Variants in ASIC2 observed in about 807,000 individuals in gnomAD.
The protein encoded by ASIC2 is acid sensing ion channel subunit 2.
Under a neutral mutation model 57.3 loss-of-function variants are expected in ASIC2, and 25 were observed. The ratio of observed to expected loss-of-function variants is 0.44; its 90% CI spans 0.32 to 0.61. The LOEUF is 0.61. Ranked by LOEUF, ASIC2 falls within the 20% of genes least tolerant of loss-of-function variation. ASIC2 has a pLI of 0.06. For missense variants in ASIC2, 641 were observed against 738.1 expected, an observed-to-expected ratio of 0.87 and a Z score of 1.52; for synonymous variants, 319 against 307.5, an observed-to-expected ratio of 1.04 and a Z score of -0.39.
At chr17:33,487,529 A>G (rs114502109) in intron 1 of ASIC2, among the ~76,000 whole-genome samples, 3,698 of 152,334 alleles carry the variant, frequency 0.024, 150 homozygotes, top group African/African-American at 0.084. Context: ...GTGGACAATC[A>G]CAGCAGCTCC....
At chr17:33,719,262 T>G (rs1337079209) in intron 1 of ASIC2, among the ~76,000 whole-genome samples, 1 of 151,964 alleles carries the variant, frequency 6.6e-6, no homozygotes, top group African/African-American at 2.4e-5. Flanking sequence ...GAGGAGAGCA[T>G]AGGAAATAAA....
At chr17:33,260,393 C>T (rs1354227044) in intron 1 of ASIC2, among the ~76,000 whole-genome samples, 1 of 152,178 alleles carries the variant, frequency 6.6e-6, no homozygotes, top group Non-Finnish European at 1.5e-5. Flanking sequence ...TCTGCAGGGG[C>T]CAGTTGGAGC....
chr17:33,108,593 T>C (rs1023996750), intron 2 of ASIC2, among the ~76,000 whole-genome samples: 8 of 152,200 alleles, frequency 5.3e-5, no homozygotes, highest in African/African-American at 1.9e-4. Flanking sequence ...AACAGATGTG[T>C]TGGCTTCTCT....
At chr17:33,202,048 G>GA (rs1906889800) in intron 1 of ASIC2, among the ~76,000 whole-genome samples, 2 of 147,134 alleles carry the variant, frequency 1.4e-5, no homozygotes, top group East Asian at 4.0e-4. Flanking sequence ...AAAAAGAAAA[G>GA]AAAAAAGAAA....
At chr17:33,035,575 C>G (rs1567722744) in intron 3 of ASIC2, among the ~76,000 whole-genome samples, 1 of 152,130 alleles carries the variant, frequency 6.6e-6, no homozygotes, top group East Asian at 1.9e-4. Context: ...GTCTTTAGTC[C>G]TGGGGTTTAG....
chr17:33,087,845 C>T (rs2092140864), intron 3 of ASIC2, among the ~76,000 whole-genome samples: 1 of 152,178 alleles, frequency 6.6e-6, no homozygotes, highest in Admixed American at 6.5e-5. Context: ...AGGCGTGAAC[C>T]ACCGTGCCCG....
upstream of ASIC2, among the ~76,000 whole-genome samples, chr17:33,297,973 T>C (rs1905790344): frequency 7.0e-6 from 1 of 143,352 alleles, no homozygotes; most frequent in Non-Finnish European, 1.5e-5. Flanking sequence ...TTTTTTTTGG[T>C]CTTATTTCTG....
chr17:33,332,538 T>C (rs1014161933), intron 1 of ASIC2, among the ~76,000 whole-genome samples: 2 of 152,146 alleles, frequency 1.3e-5, no homozygotes, highest in African/African-American at 4.8e-5. Context: ...CTAGTGGTTA[T>C]TGGATTGGAC....
At chr17:33,814,813 A>G (rs368813366) in intron 1 of ASIC2, among the ~76,000 whole-genome samples, 80 of 152,388 alleles carry the variant, frequency 5.2e-4, no homozygotes, top group African/African-American at 1.9e-3. Context: ...GTGTGCACAC[A>G]CATTATGCAA....
At chr17:33,799,697 C>G (rs1396880634) in intron 1 of ASIC2, among the ~76,000 whole-genome samples, 1 of 151,244 alleles carries the variant, frequency 6.6e-6, no homozygotes, top group Non-Finnish European at 1.5e-5. Context: ...TAGGCTGACA[C>G]CTCTGCTCTG....
intron 1 of ASIC2, among the ~76,000 whole-genome samples, chr17:33,503,113 C>G (rs1209679674): frequency 6.6e-6 from 1 of 152,090 alleles, no homozygotes; most frequent in Non-Finnish European, 1.5e-5. Flanking sequence ...TTGGAAACGT[C>G]AAGGAAGACA....
intron 1 of ASIC2, among the ~76,000 whole-genome samples, chr17:33,159,463 C>T (rs1018158531): frequency 3.3e-5 from 5 of 152,102 alleles, no homozygotes; most frequent in African/African-American, 9.7e-5. Flanking sequence ...GATCAGTCTC[C>T]CCTCTCCCTC....
chr17:33,188,528 G>A, intron 1 of ASIC2, among the ~76,000 whole-genome samples: 1 of 152,116 alleles, frequency 6.6e-6, no homozygotes, highest in South Asian at 2.1e-4. Flanking sequence ...CCAAATTGCT[G>A]AAAAGTACTG....
At chr17:34,144,022 G>A (rs1372502360) in intron 1 of ASIC2, among the ~76,000 whole-genome samples, 1 of 152,124 alleles carries the variant, frequency 6.6e-6, no homozygotes, top group Non-Finnish European at 1.5e-5. Context: ...TAGCATCTTA[G>A]AAAGCATTTA....
chr17:33,383,126 T>C (rs1909550438), intron 1 of ASIC2, among the ~76,000 whole-genome samples: 1 of 152,250 alleles, frequency 6.6e-6, no homozygotes, highest in Admixed American at 6.5e-5. Flanking sequence ...AGCTTTTCTG[T>C]GAAAAATTTT....
rs547144221 is a variant in ASIC2 at position 34,150,716 on chromosome 17, G to A, written c.555+5262C>T. 7.2e-5 allele frequency among the ~76,000 whole-genome samples: 11 copies of A among 152,282 alleles called. No homozygotes were observed. The South Asian group carries it at 1.9e-3, about 26-fold the overall frequency. ...AGAGAGTAATTTAGATTATGGGAAT[G>A]GGAAGGGGATGGGCAATGGTTTCCT... is the stretch of plus-strand genomic sequence containing the variant. On this transcript the variant is annotated intron_variant, in intron 1 of 9. Transcript: ENST00000359872.
intron 1 of ASIC2, among the ~76,000 whole-genome samples, chr17:33,162,631 C>G (rs140587426): frequency 3.4e-4 from 52 of 152,344 alleles, no homozygotes; most frequent in African/African-American, 1.2e-3. Flanking sequence ...TCAGGGCCAG[C>G]TCAGACCTGA....
At chr17:33,968,705 GC>G (rs1225107913) in intron 1 of ASIC2, among the ~76,000 whole-genome samples, 1 of 152,200 alleles carries the variant, frequency 6.6e-6, no homozygotes, top group Non-Finnish European at 1.5e-5. Flanking sequence ...CCAGTGTGCG[GC>G]CCCATTACCG....
At chr17:33,706,763 C>A (rs570556656) in intron 1 of ASIC2, among the ~76,000 whole-genome samples, 26 of 152,228 alleles carry the variant, frequency 1.7e-4, no homozygotes, top group Non-Finnish European at 3.2e-4. Context: ...ATGAAATAAT[C>A]TGTGATTTTC....
Sources: gnomAD v4.1 joint callset for allele counts (sites outside exome capture counted in the v4.1 genomes callset) on GRCh38, gnomAD v4.1.1 for gene constraint, MANE v1.5 for transcripts, NCBI Gene and HGNC (gene_info 2026-07-23, HGNC 2026-07-21) for gene names.